Variants in XPOT observed in about 807,000 individuals in gnomAD.
XPOT encodes the protein exportin-T.
In XPOT, 34 loss-of-function variants were observed where a neutral mutation model predicts 128.2. The ratio of observed to expected loss-of-function variants is 0.27; its 90% CI spans 0.20 to 0.35. The LOEUF is 0.35. Among genes scored for constraint, XPOT ranks in the 10% least tolerant of loss-of-function variants. The pLI is 1.00. For synonymous variants in XPOT, 348 were observed against 394.3 expected, an observed-to-expected ratio of 0.88 and a Z score of 1.39; for missense variants, 838 against 1,125.3, an observed-to-expected ratio of 0.74 and a Z score of 3.65.
intron 2 of XPOT, among the ~76,000 whole-genome samples, chr12:64,414,523 G>T (rs535954368): frequency 6.6e-6 from 1 of 151,904 alleles, no homozygotes; most frequent in African/African-American, 2.4e-5. Context: ...TGCCCTTCAC[G>T]TGCCATTTTA....
intron 1 of XPOT, among the ~76,000 whole-genome samples, chr12:64,405,918 C>G (rs2039976642): frequency 6.6e-6 from 1 of 151,660 alleles, no homozygotes; most frequent in Non-Finnish European, 1.5e-5. Flanking sequence ...GCCCGGCCTT[C>G]CACTGCATAT....
At chr12:64,421,209 CAG>C in intron 8 of XPOT, 24 bp from the exon 9 acceptor site, 1 of 1,561,886 alleles carries the variant, frequency 6.4e-7, no homozygotes, top group Non-Finnish European at 8.8e-7. Context: ...CAGTTTTAAA[CAG>C]AGATGTGTCT....
intron 23 of XPOT, among the ~76,000 whole-genome samples, chr12:64,439,775 T>C (rs1003225453): frequency 6.6e-6 from 1 of 152,230 alleles, no homozygotes; most frequent in Non-Finnish European, 1.5e-5. Flanking sequence ...GGAAAGTGTC[T>C]GGAAAGTTAC....
At chr12:64,406,164 C>T (rs2039980085) in intron 1 of XPOT, among the ~76,000 whole-genome samples, 1 of 152,198 alleles carries the variant, frequency 6.6e-6, no homozygotes, top group Non-Finnish European at 1.5e-5. Context: ...CAACCTCCCC[C>T]TCCCGGGTTC....
intron 23 of XPOT, among the ~76,000 whole-genome samples, chr12:64,444,078 A>G (rs991255482): frequency 1.3e-5 from 2 of 152,250 alleles, no homozygotes; most frequent in African/African-American, 4.8e-5. Context: ...TCATTATGAA[A>G]GATAAGGAAC....
intron 22 of XPOT, among the ~76,000 whole-genome samples, chr12:64,438,458 A>T (rs1294260144): frequency 2.0e-5 from 3 of 152,172 alleles, no homozygotes; most frequent in Non-Finnish European, 4.4e-5. Flanking sequence ...GAAACAGTGA[A>T]GGGTTACTGC....
chr12:64,430,298 T>C lies in XPOT; in HGVS notation c.1976+11T>C. Reference sequence around the variant, plus strand: ...TGTTGGATTTGCAAGGTAAGTGTGATCACAGTTAAAATTATAAAGTGCATG... The same window carrying C: ...TGTTGGATTTGCAAGGTAAGTGTGACCACAGTTAAAATTATAAAGTGCATG... On this transcript the variant is annotated intron_variant, in intron 17 of 24. Coordinates refer to ENST00000332707, the MANE Select transcript of XPOT (RefSeq NM_007235.6). 1 of 1,545,636 alleles carries C rather than the reference T, an allele frequency of 6.5e-7. No individual in the cohort carries two copies. Among genetic ancestry groups the C allele is most frequent in the Non-Finnish European group, 8.7e-7 (1 of 1,150,508 alleles).
chr12:64,447,853 A>G (rs188793530), intron 24 of XPOT, among the ~76,000 whole-genome samples: 6 of 152,364 alleles, frequency 3.9e-5, no homozygotes, highest in African/African-American at 1.4e-4. Flanking sequence ...CTTGATTTCT[A>G]TAGCATAGAG....
rs1592339159 is a variant in XPOT at position 64,437,883 on chromosome 12, G to A, written c.2734-1361G>A. Among the ~76,000 whole-genome samples the A allele has an allele frequency of 1.3e-5, 2 of 152,326 alleles. 1 individual carries two copies. Among genetic ancestry groups the A allele is most frequent in the Admixed American group, 1.3e-4 (2 of 15,296 alleles). On this transcript the variant is annotated intron_variant, in intron 22 of 24. Transcript: ENST00000332707. The stretch of plus-strand genomic sequence containing the variant: ...TAATCCCAACTACTTGGCAGGCTGA[G>A]GCACAAGAATTGCTTGAACCCAGGA...
chr12:64,429,974 C>T (rs929283086), intron 16 of XPOT, 75 bp from the exon 17 acceptor site: 2 of 1,317,540 alleles, frequency 1.5e-6, no homozygotes, highest in African/African-American at 3.0e-5. Context: ...ATTTCCTGTT[C>T]CTAATGCACT....
intron 21 of XPOT, 80 bp downstream of exon 21, chr12:64,434,989 T>TA (rs2040270445): frequency 2.9e-5 from 35 of 1,200,462 alleles, no homozygotes; most frequent in Admixed American, 2.3e-4. Flanking sequence ...TTGATTATAT[T>TA]ATGTTTCATT....
Position 64,435,613 on chromosome 12 carries a change from C to A in XPOT, c.2686-14C>A. On this transcript the variant is annotated splice_polypyrimidine_tract_variant and intron_variant, in intron 21 of 24. Coordinates refer to ENST00000332707, the MANE Select transcript of XPOT (RefSeq NM_007235.6). The stretch of plus-strand genomic sequence containing the variant: ...AATTGAATATATAGAAATTCTTAAA[C>A]TTGTTTTTCACAGGCTTTATCTGAG... 1 of 1,589,388 alleles carries A rather than the reference C, an allele frequency of 6.3e-7. No individual in the cohort carries two copies. The highest frequency in any genetic ancestry group is 1.1e-5 in the South Asian group (1 of 87,698).
chr12:64,429,557 C>T (rs991600985), intron 16 of XPOT, among the ~76,000 whole-genome samples: 1 of 151,894 alleles, frequency 6.6e-6, no homozygotes, highest in African/African-American at 2.4e-5. Context: ...GTTCTCCTGC[C>T]TCAGCCTCCC....
Position 64,421,256 on chromosome 12 carries a change from G to T in XPOT, c.865G>T (p.Ala289Ser). ...ATAGGAAGAAGATGTTGACTTCCTGGCCAGATTTTCTAAGTTGGTAAATGG... is the reference window on the plus strand; with the variant it reads ...ATAGGAAGAAGATGTTGACTTCCTGTCCAGATTTTCTAAGTTGGTAAATGG... ...IDQEEDVDFL[A>S]RFSKLVNGMG... The change falls in exon 9 of 25, where the codon GCC becomes TCC. Residue 289 changes from alanine (A) to serine (S), a missense_variant. Coordinates refer to ENST00000332707, the MANE Select transcript of XPOT (RefSeq NM_007235.6). 1 of 1,613,766 alleles carries T rather than the reference G, an allele frequency of 6.2e-7. No homozygotes were observed. The highest frequency in any genetic ancestry group is 1.3e-5 in the African/African-American group (1 of 75,024).
rs778143571 is a variant in XPOT, at chr12:64,431,832, A to T, written c.2262+9A>T. 1 of 1,607,328 alleles carries T rather than the reference A, an allele frequency of 6.2e-7. No individual in the cohort carries two copies. Among genetic ancestry groups the T allele is most frequent in the Admixed American group, 1.7e-5 (1 of 59,726 alleles). On this transcript the variant is annotated intron_variant, in intron 18 of 24. Coordinates refer to ENST00000332707, the MANE Select transcript of XPOT (RefSeq NM_007235.6). ...TTACGGCCAAATTCAAGGTACCGCA[A>T]ACTTTCAGAGCTCTGAAAATCTCTT... is the stretch of plus-strand genomic sequence containing the variant.
At chr12:64,416,908 A>G (rs566673763) in intron 4 of XPOT, among the ~76,000 whole-genome samples, 154 bp downstream of exon 4, 96 of 152,264 alleles carry the variant, frequency 6.3e-4, no homozygotes, top group African/African-American at 2.3e-3. Context: ...ATGTACCCCA[A>G]AGTGTTTTAA....
rs150875824 is a variant in XPOT, at chr12:64,434,373, C to G, written c.2453-134C>G. The G allele has an allele frequency of 1.9e-4, 115 of 619,120 alleles. No individual in the cohort carries two copies. In the East Asian group the frequency reaches 2.5e-3, roughly 13 times the overall value. The allele number at this position is 619,120 out of a possible 1,614,324, so 38.4% of individuals were successfully genotyped here. On this transcript the variant is annotated intron_variant, in intron 19 of 24. Coordinates refer to ENST00000332707, the MANE Select transcript of XPOT (RefSeq NM_007235.6). ...AGGGATTTTGGCAATTCTGTAAATG[C>G]TTTTTTCCCCCTTCATTTTTCCCAT...
intron 22 of XPOT, among the ~76,000 whole-genome samples, chr12:64,438,448 G>A (rs977862269): frequency 2.0e-5 from 3 of 152,250 alleles, no homozygotes; most frequent in South Asian, 2.1e-4. Flanking sequence ...AGGGATCTGG[G>A]AAACAGTGAA....
chr12:64,446,074 A>T (rs1211866226), intron 24 of XPOT, among the ~76,000 whole-genome samples: 1 of 152,134 alleles, frequency 6.6e-6, no homozygotes, highest in East Asian at 1.9e-4. Flanking sequence ...GTTTTTGTTT[A>T]TCATTGGGAA....
Sources: gnomAD v4.1 joint callset for allele counts (sites outside exome capture counted in the v4.1 genomes callset) on GRCh38, gnomAD v4.1.1 for gene constraint, MANE v1.5 for transcripts, NCBI Gene and HGNC (gene_info 2026-07-23, HGNC 2026-07-21) for gene names.